The following GORASP2 variants were observed in gnomAD, a reference collection of about 807,000 sequenced individuals.
GORASP2 encodes the protein Golgi reassembly-stacking protein 2.
Under a neutral mutation model 45.7 loss-of-function variants are expected in GORASP2, and 22 were observed. That is an observed-to-expected ratio of 0.48 (90% CI 0.34 to 0.69). The LOEUF is 0.69. Among genes scored for constraint, GORASP2 ranks in the 30% least tolerant of loss-of-function variants. GORASP2 has a pLI of 0.01. For synonymous variants in GORASP2, 221 were observed against 215.6 expected (o/e 1.02, Z -0.22); for missense variants, 491 against 562.7 (o/e 0.87, Z 1.29).
chr2:170,932,729 T>G (rs528493057), intron 1 of GORASP2, among the ~76,000 whole-genome samples: 5 of 152,366 alleles, frequency 3.3e-5, no homozygotes, highest in African/African-American at 9.6e-5. Context: ...GAAGTATTTC[T>G]CTTAGTCTCC....
intron 7 of GORASP2, 34 bp from the exon 8 acceptor site, chr2:170,961,629 T>C: frequency 9.0e-7 from 1 of 1,110,766 alleles, no homozygotes; most frequent in Non-Finnish European, 1.4e-6. Context: ...CGACTAAATT[T>C]GTTAGAAATG....
At chr2:170,933,626 A>G (rs946300483) in intron 1 of GORASP2, among the ~76,000 whole-genome samples, 4 of 152,350 alleles carry the variant, frequency 2.6e-5, no homozygotes, top group African/African-American at 7.2e-5. Flanking sequence ...AGTTCACAAA[A>G]TTAAATTTTT....
intron 1 of GORASP2, among the ~76,000 whole-genome samples, chr2:170,940,989 C>A (rs1246331807): frequency 1.3e-5 from 2 of 152,088 alleles, no homozygotes; most frequent in Non-Finnish European, 2.9e-5. Flanking sequence ...ATGCAAATTT[C>A]TTTTTATGTA....
At chr2:170,945,001 T>G (rs1281263834) in intron 1 of GORASP2, among the ~76,000 whole-genome samples, 1 of 152,168 alleles carries the variant, frequency 6.6e-6, no homozygotes, top group Non-Finnish European at 1.5e-5. Flanking sequence ...TGATCTGACT[T>G]TGTCCCCAGT....
chr2:170,965,383 T>C (rs1211147557), intron 9 of GORASP2, among the ~76,000 whole-genome samples: 1 of 152,200 alleles, frequency 6.6e-6, no homozygotes, highest in Non-Finnish European at 1.5e-5. Flanking sequence ...TACCTCTCCC[T>C]GTTGTCTGTC....
At chr2:170,958,773 T>C (rs1027409690) in intron 7 of GORASP2, among the ~76,000 whole-genome samples, 21 of 151,116 alleles carry the variant, frequency 1.4e-4, no homozygotes, top group Non-Finnish European at 3.1e-4. Context: ...CAAGCAGTTC[T>C]CCTGCCTCAG....
chr2:170,964,892 A>ATTTTTTTTTTT (rs1199571345), intron 9 of GORASP2, among the ~76,000 whole-genome samples: 1 of 64,702 alleles, frequency 1.5e-5, no homozygotes, highest in Non-Finnish European at 2.7e-5. Flanking sequence ...ATGCATTTTA[A>ATTTTTTTTTTT]TTTTTTTTTT....
chr2:170,929,049 C>T (rs1420230088), upstream of GORASP2: 6 of 344,216 alleles, frequency 1.7e-5, no homozygotes, highest in East Asian at 2.2e-4. Flanking sequence ...CATTTCTGTT[C>T]TCTCGCGAGC....
In GORASP2 at chr2:170,954,497, T is replaced by C. The variant is rs1575476854; in HGVS notation, c.567-153T>C. On this transcript the variant is annotated intron_variant, in intron 5 of 9. Coordinates refer to ENST00000234160, the MANE Select transcript of GORASP2 (RefSeq NM_015530.5). ...ATTATCTAAAAGAATAGAAATTTGT[T>C]TGTTTTTATCTTTTAAAATCTCAAA... 5 of 617,006 alleles carry C rather than the reference T, an allele frequency of 8.1e-6. No individual in the cohort carries two copies. In the South Asian group the frequency reaches 8.4e-5, roughly 10 times the overall value. The allele number at this position is 617,006 out of a possible 1,614,324, so 38.2% of individuals were successfully genotyped here. A position where few individuals can be genotyped will look rare whatever the true frequency, so the allele number is the denominator to read the frequency against.
At position 170,954,646 on chromosome 2, in the gene GORASP2, A is replaced by G. The variant is rs369174209; in HGVS notation, c.567-4A>G. ...ACAACGTTAAGAAAAAAATGTTTTTATAGCCTAGGATGTGGCATTGGATAT... is the reference window on the plus strand; with the variant it reads ...ACAACGTTAAGAAAAAAATGTTTTTGTAGCCTAGGATGTGGCATTGGATAT... On this transcript the variant is annotated splice_polypyrimidine_tract_variant and splice_region_variant and intron_variant, in intron 5 of 9. Coordinates refer to ENST00000234160, the MANE Select transcript of GORASP2 (RefSeq NM_015530.5). The G allele has an allele frequency of 3.8e-6, 6 of 1,599,640 alleles. No individual in the cohort carries two copies. The African/African-American group carries it at 6.7e-5, about 18-fold the overall frequency.
chr2:170,955,989 G>A (rs911714885), intron 6 of GORASP2, among the ~76,000 whole-genome samples: 1 of 152,192 alleles, frequency 6.6e-6, no homozygotes, highest in African/African-American at 2.4e-5. Context: ...TCATGAGGTT[G>A]GAAATCTTGA....
At position 170,929,263 on chromosome 2, in the gene GORASP2, C is replaced by T. The variant is rs2105306264; in HGVS notation, c.-78C>T. The T allele has an allele frequency of 2.6e-6, 3 of 1,150,186 alleles. No individual in the cohort carries two copies. The highest frequency in any genetic ancestry group is 4.2e-5 in the Admixed American group (1 of 23,888). 71.2% of individuals were successfully genotyped at this position (1,150,186 alleles called of 1,614,324 possible). On this transcript the variant is annotated 5_prime_UTR_variant, in exon 1 of 10. Transcript: ENST00000234160. ...CGAGTGCCACGTCCCAAGTGCTACGCGGAGGATTAGAGCAGGCGGTGCGCT... is the reference window on the plus strand; with the variant it reads ...CGAGTGCCACGTCCCAAGTGCTACGTGGAGGATTAGAGCAGGCGGTGCGCT...
At chr2:170,943,802 T>G (rs1158819947) in intron 1 of GORASP2, among the ~76,000 whole-genome samples, 9 of 152,078 alleles carry the variant, frequency 5.9e-5, no homozygotes, top group Non-Finnish European at 1.3e-4. Flanking sequence ...CTTCCTGAGT[T>G]GCTGGGACTA....
Position 170,965,772 on chromosome 2 carries a change from A to G in GORASP2, c.1019-18A>G, listed in dbSNP as rs1438787641. 1 of 1,558,234 alleles carries G rather than the reference A, an allele frequency of 6.4e-7. No homozygotes were observed. Among genetic ancestry groups the G allele is most frequent in the South Asian group, 1.1e-5 (1 of 89,892 alleles). On this transcript the variant is annotated intron_variant, in intron 9 of 9. Coordinates refer to ENST00000234160, the MANE Select transcript of GORASP2 (RefSeq NM_015530.5). ...TCAGTGCTGGGAGGATGTATGATCTATGCCGTTTTTGTCCTAGGTCTGCCA... is the reference window on the plus strand; with the variant it reads ...TCAGTGCTGGGAGGATGTATGATCTGTGCCGTTTTTGTCCTAGGTCTGCCA...
At position 170,929,282 on chromosome 2, in the gene GORASP2, G is replaced by C. The variant is rs1231386623; in HGVS notation, c.-59G>C. 3.2e-6 allele frequency: 4 copies of C among 1,266,540 alleles called. No individual in the cohort carries two copies. Among genetic ancestry groups the C allele is most frequent in the Non-Finnish European group, 4.1e-6 (4 of 985,176 alleles). 78.5% of individuals were successfully genotyped at this position (1,266,540 alleles called of 1,614,324 possible). A position where few individuals can be genotyped will look rare whatever the true frequency, so the allele number is the denominator to read the frequency against. On this transcript the variant is annotated 5_prime_UTR_variant, in exon 1 of 10. Transcript: ENST00000234160. ...GCTACGCGGAGGATTAGAGCAGGCGGTGCGCTGGGGGCGGGAGCAGCGCGG... is the reference window on the plus strand; with the variant it reads ...GCTACGCGGAGGATTAGAGCAGGCGCTGCGCTGGGGGCGGGAGCAGCGCGG...
At chr2:170,963,703 A>G (rs1350447539) in intron 9 of GORASP2, among the ~76,000 whole-genome samples, 1 of 151,888 alleles carries the variant, frequency 6.6e-6, no homozygotes, top group Admixed American at 6.6e-5. Flanking sequence ...GTGCAGTGGC[A>G]CCGATCTTGG....
chr2:170,941,958 A>G (rs1236029081), intron 1 of GORASP2, among the ~76,000 whole-genome samples: 2 of 152,186 alleles, frequency 1.3e-5, no homozygotes, highest in East Asian at 1.9e-4. Context: ...TTTGCATTCT[A>G]ACCAGCAGTA....
In GORASP2 at chr2:170,965,917, G is replaced by C. The variant is rs1409399409; in HGVS notation, c.1146G>C (p.Glu382Asp). 1 of 1,613,960 alleles carries C rather than the reference G, an allele frequency of 6.2e-7. No individual in the cohort carries two copies. Among genetic ancestry groups the C allele is most frequent in the Admixed American group, 1.7e-5 (1 of 60,006 alleles). The change falls in exon 10 of 10, where the codon GAG becomes GAC. Residue 382 changes from glutamate (E) to aspartate (D), a missense_variant. Around this residue, in one of 2 missense-constraint regions of GORASP2, gnomAD observed 297 missense variants for 292.3 expected, o/e 1.02. Coordinates refer to ENST00000234160, the MANE Select transcript of GORASP2 (RefSeq NM_015530.5). ...PESSSAASSG[E>D]LLSSLPPTSN... is the part of the protein sequence containing the mutation. ...GCTCTTCTGCAGCAAGCTCAGGAGA[G>C]CTGCTGTCTTCCCTCCCGCCCACCA...
intron 9 of GORASP2, among the ~76,000 whole-genome samples, chr2:170,964,216 G>A (rs1403010127): frequency 6.6e-6 from 1 of 152,230 alleles, no homozygotes; most frequent in African/African-American, 2.4e-5. Context: ...AGGCCCGTCA[G>A]TGATGTCAGT....
Sources: allele counts gnomAD v4.1 joint callset (sites outside exome capture counted in the v4.1 genomes callset), GRCh38; gene constraint gnomAD v4.1.1; regional missense constraint gnomAD v4.1.1; transcripts MANE v1.5; gene names NCBI Gene and HGNC (gene_info 2026-07-23, HGNC 2026-07-21).